Variants in PHKB observed in about 807,000 individuals in gnomAD.
The protein encoded by PHKB is phosphorylase b kinase regulatory subunit beta.
PHKB carries 122 observed loss-of-function variants against 152.1 expected under a neutral mutation model. The observed-to-expected ratio is 0.80, with a 90% CI of 0.69 to 0.93. The LOEUF (loss-of-function observed/expected upper bound fraction) is 0.93, where lower values mean the gene tolerates loss of function less well. Among genes scored for constraint, PHKB ranks in the 40% least tolerant of loss-of-function variants. PHKB has a pLI of 0.00. For synonymous variants in PHKB, 436 were observed against 464.9 expected (o/e 0.94, Z 0.80); for missense variants, 1,304 against 1,328.4 (o/e 0.98, Z 0.29).
chr16:47,622,813 T>C (rs1171751627), intron 14 of PHKB, among the ~76,000 whole-genome samples: 1 of 152,214 alleles, frequency 6.6e-6, no homozygotes, highest in Non-Finnish European at 1.5e-5. Context: ...CATGTACATA[T>C]TTATATAGAT....
intron 1 of PHKB, among the ~76,000 whole-genome samples, chr16:47,471,035 G>T (rs1476822277): frequency 1.3e-5 from 2 of 152,110 alleles, no homozygotes; most frequent in African/African-American, 4.8e-5. Context: ...TTGTTGCCTG[G>T]GTGATTTTTC....
intron 14 of PHKB, among the ~76,000 whole-genome samples, chr16:47,625,935 G>C (rs994399570): frequency 2.6e-5 from 4 of 152,106 alleles, no homozygotes; most frequent in African/African-American, 9.7e-5. Context: ...TACCCATTAA[G>C]AGCATCGTAT....
chr16:47,609,475 A>C (rs976092292), intron 13 of PHKB, among the ~76,000 whole-genome samples: 1 of 149,344 alleles, frequency 6.7e-6, no homozygotes, highest in African/African-American at 2.5e-5. Flanking sequence ...GGTTGGTTTT[A>C]ATTTTTCTTT....
chr16:47,610,639 A>G (rs1457965218), intron 13 of PHKB, among the ~76,000 whole-genome samples, 187 bp from the exon 14 acceptor site: 2 of 152,166 alleles, frequency 1.3e-5, no homozygotes, highest in African/African-American at 4.8e-5. Flanking sequence ...TTTATGATTC[A>G]GTCCTTTTCT....
At chr16:47,543,556 A>G (rs918353794) in intron 6 of PHKB, among the ~76,000 whole-genome samples, 1 of 152,146 alleles carries the variant, frequency 6.6e-6, no homozygotes, top group Non-Finnish European at 1.5e-5. Flanking sequence ...TATTGATTGG[A>G]ATAGTTTCAG....
chr16:47,464,091 C>T (rs1389045342), intron 1 of PHKB: 7 of 863,066 alleles, frequency 8.1e-6, no homozygotes. Flanking sequence ...GTCTTTATTT[C>T]TTCTTTGGTG....
rs142172774 is a variant in PHKB at position 47,504,184 on chromosome 16, G to A, written c.405+1094G>A. Among the ~76,000 whole-genome samples, 4 of 152,340 alleles carry A rather than the reference G, an allele frequency of 2.6e-5. No homozygotes were observed. The East Asian group carries it at 7.7e-4, about 29-fold the overall frequency. ...ACAGTCTGGAGGAAGCCAGATGCTA[G>A]CACCTAGGAGTCCTCCCCAGTGGGG... On this transcript the variant is annotated intron_variant, in intron 4 of 30. Coordinates refer to ENST00000323584, the MANE Select transcript of PHKB (RefSeq NM_000293.3).
intron 20 of PHKB, among the ~76,000 whole-genome samples, chr16:47,652,824 G>A (rs1449999412): frequency 2.6e-5 from 4 of 151,886 alleles, no homozygotes; most frequent in Non-Finnish European, 5.9e-5. Flanking sequence ...TTAGTTTTTT[G>A]TAGAGACAGC....
At chr16:47,541,080 T>C (rs1199589084) in intron 6 of PHKB, among the ~76,000 whole-genome samples, 1 of 152,136 alleles carries the variant, frequency 6.6e-6, no homozygotes, top group Non-Finnish European at 1.5e-5. Flanking sequence ...ATGTACCGTG[T>C]TGGTTTGCTA....
chr16:47,550,993 T>C (rs1321341404), intron 7 of PHKB, among the ~76,000 whole-genome samples: 1 of 152,210 alleles, frequency 6.6e-6, no homozygotes, highest in Non-Finnish European at 1.5e-5. Flanking sequence ...GATTTTCTAG[T>C]TTATTTGCGT....
At chr16:47,495,799 G>T (rs1970222095) in intron 1 of PHKB, among the ~76,000 whole-genome samples, 2 of 152,176 alleles carry the variant, frequency 1.3e-5, no homozygotes, top group South Asian at 4.1e-4. Context: ...AGCAGGAAAG[G>T]AGTACTGATG....
chr16:47,595,111 A>C (rs1356384922), intron 12 of PHKB, among the ~76,000 whole-genome samples: 1 of 152,216 alleles, frequency 6.6e-6, no homozygotes, highest in East Asian at 1.9e-4. Context: ...GTGAGAAATA[A>C]TGTATTAAAT....
intron 7 of PHKB, chr16:47,566,974 T>C: frequency 2.0e-6 from 1 of 508,884 alleles, no homozygotes; most frequent in Non-Finnish European, 3.5e-6. Context: ...TCTATTTTTG[T>C]ACTGTTTTAG....
At position 47,691,684 on chromosome 16, in the gene PHKB, T is replaced by C. The variant is rs939022842; in HGVS notation, c.2766-1694T>C. On this transcript the variant is annotated intron_variant, in intron 27 of 30. Coordinates refer to ENST00000323584, the MANE Select transcript of PHKB (RefSeq NM_000293.3). ...CACCACTGCACTCCAGCCTCAGTGA[T>C]AGAGTCAGATCCTGTCTCAAAAAAA... Among the ~76,000 whole-genome samples, 10 of 148,976 alleles carry C rather than the reference T, an allele frequency of 6.7e-5. No homozygotes were observed. The Middle Eastern group carries it at 0.011, about 161-fold the overall frequency.
chr16:47,591,416 G>T (rs1289033191), intron 10 of PHKB, among the ~76,000 whole-genome samples: 1 of 152,142 alleles, frequency 6.6e-6, no homozygotes, highest in Non-Finnish European at 1.5e-5. Flanking sequence ...TACTGAGTCG[G>T]AGTGGATGCT....
At position 47,641,658 on chromosome 16, in the gene PHKB, C is replaced by A. The variant is rs79509460; in HGVS notation, c.1574C>A (p.Pro525His). ...IQTQTPQQVE[P>H]IQIWPQQELV... The stretch of plus-strand genomic sequence containing the variant: ...ACTCAAACTCCTCAACAAGTAGAAC[C>A]CATTCAGATATGGCCTCAGCAGGAG... The change falls in exon 16 of 31, where the codon CCC becomes CAC. Residue 525 changes from proline (P) to histidine (H), a missense_variant. Physicochemically the swap from Pro to His is moderately conservative, Grantham distance 77. Transcript: ENST00000323584. 2.7e-4 allele frequency: 435 copies of A among 1,605,514 alleles called. 1 individual carries two copies. The African/African-American group carries it at 4.9e-3, about 18-fold the overall frequency.
At chr16:47,594,413 C>T (rs1478176036) in intron 12 of PHKB, among the ~76,000 whole-genome samples, 199 bp downstream of exon 12, 2 of 152,002 alleles carry the variant, frequency 1.3e-5, no homozygotes, top group African/African-American at 4.8e-5. Context: ...ATAGTCATTC[C>T]AAAATAGTTT....
chr16:47,685,344 T>G (rs960617523), intron 26 of PHKB, among the ~76,000 whole-genome samples: 1 of 152,072 alleles, frequency 6.6e-6, no homozygotes, highest in Non-Finnish European at 1.5e-5. Context: ...AGAATCACTT[T>G]AACCTGGGAG....
chr16:47,534,398 T>C (rs949312546), intron 6 of PHKB, among the ~76,000 whole-genome samples: 1 of 152,214 alleles, frequency 6.6e-6, no homozygotes, highest in Non-Finnish European at 1.5e-5. Flanking sequence ...TATTTCTATA[T>C]GTACCATGAT....
Sources: gnomAD v4.1 joint callset for allele counts (sites outside exome capture counted in the v4.1 genomes callset) on GRCh38, gnomAD v4.1.1 for gene constraint, MANE v1.5 for transcripts, NCBI Gene and HGNC (gene_info 2026-07-23, HGNC 2026-07-21) for gene names.